The following SPAG16 variants were observed in gnomAD, a reference collection of about 807,000 sequenced individuals.
The protein encoded by SPAG16 is sperm associated antigen 16, also known as sperm-associated antigen 16 protein.
Under a neutral mutation model 80.4 loss-of-function variants are expected in SPAG16, and 86 were observed. The observed-to-expected ratio is 1.07, with a 90% CI of 0.90 to 1.28. The LOEUF is 1.28. SPAG16 is among the 50% of genes most tolerant of loss of function. The pLI is 0.00. For synonymous variants in SPAG16, 294 were observed against 265.9 expected, an observed-to-expected ratio of 1.11 and a Z score of -1.03; for missense variants, 870 against 765.3, an observed-to-expected ratio of 1.14 and a Z score of -1.61.
rs2046057974 is a variant in SPAG16, at chr2:213,987,210, C to G, written c.1401-26741C>G. Among the ~76,000 whole-genome samples the G allele has an allele frequency of 1.3e-5, 2 of 152,076 alleles. 1 individual carries two copies. Among genetic ancestry groups the G allele is most frequent in the East Asian group, 3.9e-4 (2 of 5,192 alleles). On this transcript the variant is annotated intron_variant, in intron 12 of 15. Coordinates refer to ENST00000331683, the MANE Select transcript of SPAG16 (RefSeq NM_024532.5). ...ATTCAGTTTAGTCTAAACTTTGACTCCTTTTCACCTGGCCCTGTCCTTGGT... is the reference window on the plus strand; with the variant it reads ...ATTCAGTTTAGTCTAAACTTTGACTGCTTTTCACCTGGCCCTGTCCTTGGT...
chr2:213,694,042 C>A (rs201043270), intron 10 of SPAG16, among the ~76,000 whole-genome samples: 441 of 120,580 alleles, frequency 3.7e-3, no homozygotes, highest in Non-Finnish European at 3.7e-3. Context: ...TTATGCAAGA[C>A]AAAAAAAAAA....
chr2:213,976,030 TCTTCATACAG>T (rs747755810), intron 12 of SPAG16, among the ~76,000 whole-genome samples: 7 of 150,736 alleles, frequency 4.6e-5, no homozygotes, highest in Non-Finnish European at 1.0e-4. Context: ...GTGGGTCTCC[TCTTCATACAG>T]CTTCATACAG....
intron 10 of SPAG16, among the ~76,000 whole-genome samples, chr2:213,784,803 T>A (rs1034514892): frequency 6.6e-6 from 1 of 152,082 alleles, no homozygotes; most frequent in South Asian, 2.1e-4. Flanking sequence ...GTTTATTATT[T>A]TTTTTTTGTA....
intron 15 of SPAG16, among the ~76,000 whole-genome samples, chr2:214,304,358 G>A (rs938060992): frequency 5.9e-5 from 9 of 152,154 alleles, no homozygotes; most frequent in African/African-American, 1.9e-4. Flanking sequence ...ACACCTGGCC[G>A]CCCAGGGCAG....
intron 15 of SPAG16, among the ~76,000 whole-genome samples, chr2:214,360,487 A>G (rs997007185): frequency 5.3e-5 from 8 of 151,974 alleles, no homozygotes; most frequent in African/African-American, 1.7e-4. Flanking sequence ...CAGAAACAAA[A>G]TTCTATAGTT....
intron 10 of SPAG16, among the ~76,000 whole-genome samples, chr2:213,584,764 T>G (rs1225388822): frequency 6.6e-6 from 1 of 152,198 alleles, no homozygotes; most frequent in Non-Finnish European, 1.5e-5. Context: ...TCAATATTGT[T>G]CACTGATGTC....
intron 15 of SPAG16, among the ~76,000 whole-genome samples, chr2:214,279,676 G>A (rs1466582046): frequency 6.6e-6 from 1 of 152,214 alleles, no homozygotes; most frequent in Non-Finnish European, 1.5e-5. Context: ...GGACATGCAT[G>A]TGAGGAAACT....
chr2:213,377,197 T>G (rs1260384463), intron 9 of SPAG16, among the ~76,000 whole-genome samples: 2 of 152,210 alleles, frequency 1.3e-5, no homozygotes, highest in African/African-American at 4.8e-5. Flanking sequence ...TTTAATGTCT[T>G]AGAGGATAGC....
intron 15 of SPAG16, among the ~76,000 whole-genome samples, chr2:214,369,201 G>A (rs1004018006): frequency 8.6e-5 from 13 of 151,994 alleles, no homozygotes; most frequent in Admixed American, 7.9e-4. Context: ...CATTGAAAAT[G>A]CTGTGTTCCT....
Position 213,397,736 on chromosome 2 carries a change from AC to A in SPAG16, c.942+22623del, listed in dbSNP as rs1248028795. The stretch of plus-strand genomic sequence containing the variant: ...TCATTGCCTCTATTGTTTGCTCCCT[AC>A]CCCCCGAATCTCTGCATACTGAGGT... On this transcript the variant is annotated intron_variant, in intron 9 of 15. Transcript: ENST00000331683. Among the ~76,000 whole-genome samples the A allele has an allele frequency of 2.0e-5, 3 of 150,652 alleles. No homozygotes were observed. The East Asian group carries it at 5.9e-4, about 29-fold the overall frequency.
intron 10 of SPAG16, among the ~76,000 whole-genome samples, chr2:213,805,809 G>T (rs1241938922): frequency 2.0e-5 from 3 of 152,084 alleles, no homozygotes; most frequent in African/African-American, 7.2e-5. Context: ...CTTGCTCAGA[G>T]TTCAAACTAT....
intron 10 of SPAG16, among the ~76,000 whole-genome samples, chr2:213,838,180 CT>C (rs537966816): frequency 2.0e-5 from 3 of 151,010 alleles, no homozygotes; most frequent in South Asian, 2.1e-4. Flanking sequence ...TCTCTGATTT[CT>C]TTTTTTTTGA....
rs115903502 is a variant in SPAG16 at position 214,216,694 on chromosome 2, G to A, written c.1720+67428G>A. Among the ~76,000 whole-genome samples, 759 of 152,210 alleles carry A rather than the reference G, an allele frequency of 5.0e-3. 5 individuals are homozygous for A. Among genetic ancestry groups the A allele is most frequent in the African/African-American group, 0.017 (718 of 41,546 alleles). On this transcript the variant is annotated intron_variant, in intron 15 of 15. Transcript: ENST00000331683. ...GTACAAATATATTTTCCAAATTTTG[G>A]GTAAAGACTAATATTTTCTCACCTT...
At chr2:214,164,994 G>T (rs910582349) in intron 15 of SPAG16, among the ~76,000 whole-genome samples, 2 of 152,054 alleles carry the variant, frequency 1.3e-5, no homozygotes, top group Non-Finnish European at 2.9e-5. Flanking sequence ...GATAGTTCAT[G>T]AGTTTGCTAC....
At chr2:213,355,791 A>G (rs749176569) in intron 7 of SPAG16, among the ~76,000 whole-genome samples, 1 of 152,210 alleles carries the variant, frequency 6.6e-6, no homozygotes, top group Non-Finnish European at 1.5e-5. Flanking sequence ...TTCTAAACAT[A>G]CAATCATGTC....
intron 5 of SPAG16, among the ~76,000 whole-genome samples, chr2:213,332,945 C>G (rs1373201335): frequency 5.9e-5 from 9 of 152,066 alleles, no homozygotes; most frequent in African/African-American, 2.2e-4. Context: ...ATCCTTTCCT[C>G]TAAGATCTGA....
chr2:213,311,117 TGAG>T (rs1313882714), intron 4 of SPAG16, among the ~76,000 whole-genome samples: 2 of 151,680 alleles, frequency 1.3e-5, no homozygotes, highest in Admixed American at 1.3e-4. Flanking sequence ...ATAAATTCTA[TGAG>T]GAGAATTATT....
chr2:213,851,441 G>C (rs940028178), intron 10 of SPAG16, among the ~76,000 whole-genome samples: 8 of 152,196 alleles, frequency 5.3e-5, no homozygotes, highest in African/African-American at 1.9e-4. Flanking sequence ...CCAGTAGGCG[G>C]AGGTTGCAGT....
chr2:213,312,552 A>G (rs1312475812), intron 4 of SPAG16, among the ~76,000 whole-genome samples: 1 of 151,490 alleles, frequency 6.6e-6, no homozygotes, highest in Non-Finnish European at 1.5e-5. Context: ...TTTCCAGCCA[A>G]TATTTTGAAA....
Sources: allele counts gnomAD v4.1 joint callset (sites outside exome capture counted in the v4.1 genomes callset), GRCh38; gene constraint gnomAD v4.1.1; transcripts MANE v1.5; gene names NCBI Gene and HGNC (gene_info 2026-07-23, HGNC 2026-07-21).